ESYT2: variants seen among roughly 807,000 people sequenced by gnomAD.
ESYT2 encodes the protein extended synaptotagmin-2.
A neutral mutation model predicts 107.2 loss-of-function variants in ESYT2; 54 were observed. That is an observed-to-expected ratio of 0.50 (90% CI 0.40 to 0.63). ESYT2 has a LOEUF of 0.63. ESYT2 is among the 30% of genes least tolerant of loss of function. The pLI, the probability that ESYT2 is intolerant of heterozygous loss-of-function variation, is 0.00. For synonymous variants in ESYT2, 491 were observed against 434.1 expected (o/e 1.13, Z -1.63); for missense variants, 1,020 against 1,094.5 (o/e 0.93, Z 0.96).
chr7:158,811,350 C>CT (rs1399229169), intron 1 of ESYT2, among the ~76,000 whole-genome samples: 5 of 152,294 alleles, frequency 3.3e-5, no homozygotes, highest in African/African-American at 1.2e-4. Flanking sequence ...TTGTTCGTGG[C>CT]TTAACCAACC....
At position 158,734,195 on chromosome 7, in the gene ESYT2, T is replaced by G. The variant is rs984437094; in HGVS notation, c.*12A>C. The G allele has an allele frequency of 6.2e-7, 1 of 1,614,150 alleles. No individual in the cohort carries two copies. The highest frequency in any genetic ancestry group is 8.5e-7 in the Non-Finnish European group (1 of 1,180,040). On this transcript the variant is annotated 3_prime_UTR_variant, in exon 23 of 23. Transcript: ENST00000275418. Reference sequence around the variant, plus strand: ...GAGCTACGCTGAAGAGGACGCCTCCTGCCTGCTGCGGCTATGTCATCGCCT... The same window carrying G: ...GAGCTACGCTGAAGAGGACGCCTCCGGCCTGCTGCGGCTATGTCATCGCCT...
rs138433183 is a variant in ESYT2 at position 158,742,805 on chromosome 7, A to G, written c.1794+724T>C. Among the ~76,000 whole-genome samples, 203 of 152,328 alleles carry G rather than the reference A, an allele frequency of 1.3e-3. 1 individual carries two copies. The highest frequency in any genetic ancestry group is 0.012 in the South Asian group (56 of 4,824). On this transcript the variant is annotated intron_variant, in intron 17 of 22. Coordinates refer to ENST00000275418, the MANE Select transcript of ESYT2 (RefSeq NM_001367773.1). ...TCCTGGTCTCCCCACACTTTGTATC[A>G]CCAAAACAAAAGTCAGGTTTCTAGA...
At chr7:158,754,363 C>T (rs562948540) in intron 13 of ESYT2, among the ~76,000 whole-genome samples, 3 of 151,922 alleles carry the variant, frequency 2.0e-5, no homozygotes, top group Non-Finnish European at 4.4e-5. Flanking sequence ...TGCACCACCA[C>T]ACCCGGCTAA....
At chr7:158,803,327 T>C (rs1839700264) in intron 1 of ESYT2, among the ~76,000 whole-genome samples, 1 of 152,144 alleles carries the variant, frequency 6.6e-6, no homozygotes, top group African/African-American at 2.4e-5. Context: ...GTCTCAAAAA[T>C]GGAACAGATA....
chr7:158,789,361 TTTTC>T (rs1309919157), intron 4 of ESYT2, among the ~76,000 whole-genome samples: 2 of 152,148 alleles, frequency 1.3e-5, no homozygotes, highest in Non-Finnish European at 2.9e-5. Context: ...GATCATTTTC[TTTTC>T]TTTTTTTTTG....
chr7:158,782,788 A>G, intron 6 of ESYT2, among the ~76,000 whole-genome samples: 1 of 152,204 alleles, frequency 6.6e-6, no homozygotes, highest in Non-Finnish European at 1.5e-5. Flanking sequence ...ATGAGAACAA[A>G]TGTGAGAATG....
rs771155167 is a variant in ESYT2, at chr7:158,788,333, C to A, written c.657+12G>T. ...AAACTGTCAAATTAAAACAAAAAAA[C>A]AAAAAACTTACCTGGATACTTTTCA... On this transcript the variant is annotated intron_variant, in intron 5 of 22. Transcript: ENST00000275418. 1.3e-6 allele frequency: 2 copies of A among 1,593,412 alleles called. No individual in the cohort carries two copies. Among genetic ancestry groups the A allele is most frequent in the Non-Finnish European group, 1.7e-6 (2 of 1,173,994 alleles).
At chr7:158,798,647 A>C (rs1228904967) in intron 2 of ESYT2, among the ~76,000 whole-genome samples, 1 of 20,806 alleles carries the variant, frequency 4.8e-5, no homozygotes, top group Non-Finnish European at 1.1e-4. Flanking sequence ...GCTCCGTCTC[A>C]AAAAAAAAAA....
rs201014506 is a variant in ESYT2, at chr7:158,764,841, T to A, written c.937A>T (p.Ile313Leu). ...RFPVPKGVLRIHFIEAQDLQG... is the reference protein window; with the variant it reads ...RFPVPKGVLRLHFIEAQDLQG... ...AGATCCTGAGCTTCAATAAAATGTA[T>A]CCTTAGAACACCCTGAAAAGAAGAA... Residue 313 changes from isoleucine to leucine, a missense_variant, in exon 9 of 23, where the codon ATA becomes TTA. By Grantham distance (5) the Ile-to-Leu change is conservative (BLOSUM62 2). Transcript: ENST00000275418. The A allele has an allele frequency of 3.7e-6, 6 of 1,613,826 alleles. No homozygotes were observed. The East Asian group carries it at 1.3e-4, about 36-fold the overall frequency.
At chr7:158,805,011 C>T (rs1200103399) in intron 1 of ESYT2, among the ~76,000 whole-genome samples, 1 of 152,166 alleles carries the variant, frequency 6.6e-6, no homozygotes, top group Middle Eastern at 3.2e-3. Flanking sequence ...TGACAGTGGA[C>T]GAGACTTCCA....
At position 158,813,489 on chromosome 7, in the gene ESYT2, T is replaced by C. The variant is rs546054992; in HGVS notation, c.331-14417A>G. On this transcript the variant is annotated intron_variant, in intron 1 of 22. Coordinates refer to ENST00000275418, the MANE Select transcript of ESYT2 (RefSeq NM_001367773.1). Reference sequence around the variant, plus strand: ...GCAAAGGAAGTTGTAAGAAGGGATGTGGGGGCTCTGTATTATCTGCTCAAT... The same window carrying C: ...GCAAAGGAAGTTGTAAGAAGGGATGCGGGGGCTCTGTATTATCTGCTCAAT... Among the ~76,000 whole-genome samples, 6 of 152,342 alleles carry C rather than the reference T, an allele frequency of 3.9e-5. No individual in the cohort carries two copies. In the South Asian group the frequency reaches 1.2e-3, roughly 32 times the overall value.
At position 158,741,734 on chromosome 7, in the gene ESYT2, T is replaced by G; in HGVS notation, c.1957A>C (p.Ile653Leu). The change falls in exon 18 of 23, where the codon ATT becomes CTT. Residue 653 changes from isoleucine to leucine, a missense_variant. Physicochemically the swap from Ile to Leu is conservative, Grantham distance 5 (BLOSUM62 2). Coordinates refer to ENST00000275418, the MANE Select transcript of ESYT2 (RefSeq NM_001367773.1). ...ATACCAGGCTTATCACTGCCCCCAATGACTGGTGTGGATGGAGCTGTGTTG... is the reference window on the plus strand; with the variant it reads ...ATACCAGGCTTATCACTGCCCCCAAGGACTGGTGTGGATGGAGCTGTGTTG... ...GSNTAPSTPVIGGSDKPGMEE... is the reference protein window; with the variant it reads ...GSNTAPSTPVLGGSDKPGMEE... The G allele has an allele frequency of 5.6e-6, 9 of 1,614,044 alleles. No individual in the cohort carries two copies. The highest frequency in any genetic ancestry group is 7.6e-6 in the Non-Finnish European group (9 of 1,179,998).
At chr7:158,826,340 T>C (rs539689109) in intron 1 of ESYT2, among the ~76,000 whole-genome samples, 113 of 152,324 alleles carry the variant, frequency 7.4e-4, no homozygotes, top group Non-Finnish European at 1.3e-3. Flanking sequence ...TTAAGCATCC[T>C]AGGCACACTG....
intron 1 of ESYT2, among the ~76,000 whole-genome samples, chr7:158,809,407 C>T (rs1388850383): frequency 2.3e-5 from 3 of 127,704 alleles, no homozygotes; most frequent in Non-Finnish European, 4.7e-5. Flanking sequence ...ACCTGGGAGG[C>T]GAAGGTTGCA....
chr7:158,824,951 GC>G (rs1463928727), intron 1 of ESYT2, among the ~76,000 whole-genome samples: 1 of 152,094 alleles, frequency 6.6e-6, no homozygotes, highest in African/African-American at 2.4e-5. Flanking sequence ...CAAGAGTTGA[GC>G]CCAAGAGTTC....
intron 3 of ESYT2, among the ~76,000 whole-genome samples, chr7:158,795,929 C>T (rs114856304): frequency 0.012 from 1,787 of 152,262 alleles, 33 homozygotes; most frequent in African/African-American, 0.041. Flanking sequence ...ACAGGAGGCA[C>T]GGGGTCTGGA....
At position 158,797,921 on chromosome 7, in the gene ESYT2, G is replaced by A. The variant is rs763615327; in HGVS notation, c.507+21C>T. The A allele has an allele frequency of 1.9e-6, 3 of 1,610,476 alleles. No homozygotes were observed. In the African/African-American group the frequency reaches 4.0e-5, roughly 22 times the overall value. ...AGCAATCTGACTGTGTGCACGTGAG[G>A]ATACTTAAGAGAACACTGACCTGCT... On this transcript the variant is annotated intron_variant, in intron 3 of 22. Transcript: ENST00000275418.
At chr7:158,782,649 G>GA (rs36177226) in intron 6 of ESYT2, among the ~76,000 whole-genome samples, 2 of 149,030 alleles carry the variant, frequency 1.3e-5, no homozygotes, top group East Asian at 4.0e-4. Context: ...TGAGAACAAA[G>GA]AAGTATTAAA....
chr7:158,747,120 C>G (rs533548726), intron 16 of ESYT2, among the ~76,000 whole-genome samples: 1 of 151,958 alleles, frequency 6.6e-6, no homozygotes, highest in African/African-American at 2.4e-5. Flanking sequence ...CCACAGTGGG[C>G]GGATCAGCTG....
Sources: allele counts gnomAD v4.1 joint callset (sites outside exome capture counted in the v4.1 genomes callset), GRCh38; gene constraint gnomAD v4.1.1; transcripts MANE v1.5; gene names NCBI Gene and HGNC (gene_info 2026-07-23, HGNC 2026-07-21).